NR2C2: variants seen among roughly 807,000 people sequenced by gnomAD.
NR2C2 encodes the protein nuclear receptor subfamily 2 group C member 2.
Under a neutral mutation model 62.9 loss-of-function variants are expected in NR2C2, and 6 were observed. The ratio of observed to expected loss-of-function variants is 0.10; its 90% confidence interval spans 0.05 to 0.19. NR2C2 has a LOEUF of 0.19. NR2C2 is among the 10% of genes least tolerant of loss of function. The pLI is 1.00. For missense variants in NR2C2, 479 were observed against 762.7 expected, an observed-to-expected ratio of 0.63 and a Z score of 4.38; for synonymous variants, 272 against 273.8, an observed-to-expected ratio of 0.99 and a Z score of 0.07.
At chr3:15,001,289 T>C (rs2040987459) in intron 1 of NR2C2, among the ~76,000 whole-genome samples, 1 of 150,360 alleles carries the variant, frequency 6.7e-6, no homozygotes, top group Non-Finnish European at 1.5e-5. Context: ...TATATAAAAA[T>C]ACAATTGATT....
intron 1 of NR2C2, among the ~76,000 whole-genome samples, chr3:14,982,805 G>A (rs2040412203): frequency 6.6e-6 from 1 of 152,060 alleles, no homozygotes; most frequent in Non-Finnish European, 1.5e-5. Context: ...AGTGTTGAAT[G>A]GAAGTGTTGA....
At chr3:15,008,962 T>C (rs960826373) in intron 2 of NR2C2, among the ~76,000 whole-genome samples, 13 of 152,314 alleles carry the variant, frequency 8.5e-5, no homozygotes, top group Admixed American at 3.3e-4. Context: ...GGCTAGTGCC[T>C]ATAATCCCAG....
chr3:14,965,815 C>T (rs1451991803), intron 1 of NR2C2, among the ~76,000 whole-genome samples: 1 of 152,114 alleles, frequency 6.6e-6, no homozygotes, highest in African/African-American at 2.4e-5. Context: ...AGGCGTGGGG[C>T]ACTATGCCTG....
At chr3:15,019,947 G>A (rs2041623135) in intron 4 of NR2C2, among the ~76,000 whole-genome samples, 3 of 152,188 alleles carry the variant, frequency 2.0e-5, no homozygotes, top group African/African-American at 7.2e-5. Context: ...TGCATAAGGT[G>A]ATGGTCACTC....
rs926377399 is a variant in NR2C2 at position 15,016,358 on chromosome 3, G to A, written c.376+104G>A. 1.9e-5 allele frequency: 14 copies of A among 746,860 alleles called. No homozygotes were observed. The East Asian group carries it at 2.6e-4, about 14-fold the overall frequency. 46.3% of individuals were successfully genotyped at this position (746,860 alleles called of 1,614,324 possible). A position where few individuals can be genotyped will look rare whatever the true frequency, so the allele number is the denominator to read the frequency against. On this transcript the variant is annotated intron_variant, in intron 4 of 13. Transcript: ENST00000425241. ...AATTTAGAAGGACCATTTTATGTACGTTTGTAGGTTTCACATGTGAATTCT... is the reference window on the plus strand; with the variant it reads ...AATTTAGAAGGACCATTTTATGTACATTTGTAGGTTTCACATGTGAATTCT...
chr3:15,039,250 C>T (rs2125090166), intron 13 of NR2C2, 23 bp downstream of exon 13: 2 of 1,505,564 alleles, frequency 1.3e-6, no homozygotes, highest in South Asian at 1.1e-5. Flanking sequence ...GGCATATGCG[C>T]TCTTGCTTGG....
intron 1 of NR2C2, among the ~76,000 whole-genome samples, chr3:14,999,256 C>T (rs933902243): frequency 9.9e-5 from 15 of 151,866 alleles, no homozygotes; most frequent in African/African-American, 3.1e-4. Flanking sequence ...GCAGAGGTTG[C>T]GATGAGCCGA....
chr3:14,966,948 C>A (rs921688053), intron 1 of NR2C2, among the ~76,000 whole-genome samples: 7 of 152,146 alleles, frequency 4.6e-5, no homozygotes, highest in African/African-American at 1.7e-4. Context: ...ATTAACTTTT[C>A]TTTAAAAATC....
intron 1 of NR2C2, among the ~76,000 whole-genome samples, chr3:14,999,559 G>T (rs2040928469): frequency 6.6e-6 from 1 of 151,978 alleles, no homozygotes; most frequent in South Asian, 2.1e-4. Flanking sequence ...TTTTGCTTTT[G>T]GTGTCATCTA....
chr3:14,970,881 C>G (rs1337092671), intron 1 of NR2C2, among the ~76,000 whole-genome samples: 1 of 152,146 alleles, frequency 6.6e-6, no homozygotes, highest in Non-Finnish European at 1.5e-5. Flanking sequence ...AATTTTTTAA[C>G]TTTGCAATGG....
intron 1 of NR2C2, among the ~76,000 whole-genome samples, chr3:15,003,238 G>A (rs1392231517): frequency 6.6e-6 from 1 of 151,814 alleles, no homozygotes; most frequent in Non-Finnish European, 1.5e-5. Context: ...GTGTGAGCCA[G>A]CACACCCAGC....
chr3:15,000,164 TCTC>T (rs2040949231), intron 1 of NR2C2, among the ~76,000 whole-genome samples: 2 of 152,160 alleles, frequency 1.3e-5, no homozygotes, highest in South Asian at 2.1e-4. Context: ...CTGACTTTCA[TCTC>T]CCCATTCCCC....
At chr3:14,954,743 G>GTTACACTCAGA (rs748794574) in intron 1 of NR2C2, among the ~76,000 whole-genome samples, 4 of 152,138 alleles carry the variant, frequency 2.6e-5, no homozygotes, top group Non-Finnish European at 5.9e-5. Flanking sequence ...TATTGGTAAT[G>GTTACACTCAGA]TCTTGTTTTC....
chr3:14,955,068 C>T (rs115870349), intron 1 of NR2C2, among the ~76,000 whole-genome samples: 118 of 152,248 alleles, frequency 7.8e-4, no homozygotes, highest in African/African-American at 2.6e-3. Context: ...TGAGCTCAGG[C>T]AGTCCAGCCA....
chr3:15,042,726 C>T (rs1004423816), intron 13 of NR2C2, 108 bp from the exon 14 acceptor site: 9 of 892,622 alleles, frequency 1.0e-5, no homozygotes, highest in African/African-American at 6.7e-5. Context: ...ATGGTGGATC[C>T]GTTTGGTTTG....
rs186714212 is a variant in NR2C2 at position 14,966,174 on chromosome 3, A to T, written c.-40+18268A>T. On this transcript the variant is annotated intron_variant, in intron 1 of 13. Coordinates refer to ENST00000425241, the MANE Select transcript of NR2C2 (RefSeq NM_001291694.2). ...AGAGATAATTAATAGTCAGTTTTGG[A>T]TAATTGTTTACTCAATCAGCAGATA... 1.4e-4 allele frequency among the ~76,000 whole-genome samples: 21 copies of T among 152,330 alleles called. No homozygotes were observed. The East Asian group carries it at 3.7e-3, about 27-fold the overall frequency.
intron 1 of NR2C2, among the ~76,000 whole-genome samples, chr3:14,986,653 A>AC (rs1267553931): frequency 6.6e-6 from 1 of 152,244 alleles, no homozygotes; most frequent in Non-Finnish European, 1.5e-5. Flanking sequence ...AGTGTCTGAT[A>AC]CTTTAAAAAA....
chr3:14,983,968 A>C (rs2040446538), intron 1 of NR2C2, among the ~76,000 whole-genome samples: 1 of 152,104 alleles, frequency 6.6e-6, no homozygotes, highest in Non-Finnish European at 1.5e-5. Flanking sequence ...GGCTCACTGC[A>C]ACCTCCACCT....
chr3:15,038,639 C>G (rs1163907449), intron 12 of NR2C2: 1 of 168,242 alleles, frequency 5.9e-6, no homozygotes, highest in African/African-American at 2.4e-5. Flanking sequence ...TAACTGTTCT[C>G]TCAAGTCCTC....
Sources: gnomAD v4.1 joint callset for allele counts (sites outside exome capture counted in the v4.1 genomes callset) on GRCh38, gnomAD v4.1.1 for gene constraint, MANE v1.5 for transcripts, NCBI Gene and HGNC (gene_info 2026-07-23, HGNC 2026-07-21) for gene names.